The following CRB1 variants were observed in gnomAD, a reference collection of about 807,000 sequenced individuals.
The protein encoded by CRB1 is protein crumbs homolog 1.
CRB1 carries 83 observed loss-of-function variants against 120.0 expected under a neutral mutation model. The observed-to-expected ratio is 0.69, with a 90% confidence interval of 0.58 to 0.83. The LOEUF (loss-of-function observed/expected upper bound fraction) is 0.83. Among genes scored for constraint, CRB1 ranks in the 40% least tolerant of loss-of-function variants. The probability of loss-of-function intolerance (pLI) is 0.00; values close to 1 mark genes in which losing one functional copy is unlikely to be tolerated. For synonymous variants in CRB1, 625 were observed against 612.5 expected, an observed-to-expected ratio of 1.02 and a Z score of -0.30; for missense variants, 1,699 against 1,687.6, an observed-to-expected ratio of 1.01 and a Z score of -0.12.
At chr1:197,444,722 GT>G (rs1379955651) in intron 11 of CRB1, 1 of 152,052 alleles carries the variant, frequency 6.6e-6, no homozygotes, top group Non-Finnish European at 1.5e-5. Flanking sequence ...TTTAAAAAAT[GT>G]TTTCCCTTTT....
chr1:197,459,839 T>C (rs1359434603), intron 11 of CRB1, among the ~76,000 whole-genome samples: 1 of 152,122 alleles, frequency 6.6e-6, no homozygotes, highest in African/African-American at 2.4e-5. Context: ...TATATAATGT[T>C]ATGTAGACAG....
At chr1:197,267,569 T>G (rs944356383), upstream of CRB1, among the ~76,000 whole-genome samples, 1 of 152,198 alleles carries the variant, frequency 6.6e-6, no homozygotes, top group Non-Finnish European at 1.5e-5. Context: ...TAACACCAAT[T>G]AGAAAATAAA....
intron 4 of CRB1, among the ~76,000 whole-genome samples, chr1:197,354,612 T>C (rs1258851206): frequency 6.6e-6 from 1 of 152,092 alleles, no homozygotes; most frequent in Non-Finnish European, 1.5e-5. Flanking sequence ...GGAGGGTTCG[T>C]GGTCTTGTTG....
At chr1:197,270,916 A>G (rs914111940) in intron 1 of CRB1, among the ~76,000 whole-genome samples, 2 of 152,200 alleles carry the variant, frequency 1.3e-5, no homozygotes, top group African/African-American at 2.4e-5. Context: ...AGAAATGTCC[A>G]TTATCCAGGT....
At position 197,477,512 on chromosome 1, in the gene CRB1, ATC is replaced by A. The variant is rs1291857237; in HGVS notation, c.4006-150_4006-149del. 6.8e-6 allele frequency: 5 copies of A among 733,690 alleles called. No individual in the cohort carries two copies. In the African/African-American group the frequency reaches 8.7e-5, roughly 13 times the overall value. The allele number at this position is 733,690 out of a possible 1,614,324, so 45.4% of individuals were successfully genotyped here. A position where few individuals can be genotyped will look rare whatever the true frequency, so the allele number is the denominator to read the frequency against. ...TTGTAAATGATTTGAGAATAAGAAA[ATC>A]TGACTTTCTTTTAATACCTTGGTCT... is the stretch of plus-strand genomic sequence containing the variant. On this transcript the variant is annotated intron_variant, in intron 11 of 11. Transcript: ENST00000367400.
intron 1 of CRB1, among the ~76,000 whole-genome samples, chr1:197,316,917 A>AT (rs1288252321): frequency 6.6e-6 from 1 of 151,848 alleles, no homozygotes; most frequent in East Asian, 1.9e-4. Flanking sequence ...CTACAAAAAA[A>AT]AAAAACAAAA....
At chr1:197,279,495 A>C (rs1459899989) in intron 1 of CRB1, among the ~76,000 whole-genome samples, 1 of 150,768 alleles carries the variant, frequency 6.6e-6, no homozygotes, top group Non-Finnish European at 1.5e-5. Flanking sequence ...CTTTCTCTTC[A>C]CTAACCTCAT....
At chr1:197,292,145 G>C (rs566005206) in intron 1 of CRB1, among the ~76,000 whole-genome samples, 1 of 151,942 alleles carries the variant, frequency 6.6e-6, no homozygotes, top group Admixed American at 6.6e-5. Context: ...TTTTTGAAAA[G>C]ATCAACAAAA....
Position 197,438,565 on chromosome 1 carries a change from A to G in CRB1, c.3768A>G (p.Ser1256=). The G allele has an allele frequency of 6.2e-7, 1 of 1,612,616 alleles. No homozygotes were observed. Among genetic ancestry groups the G allele is most frequent in the Non-Finnish European group, 8.5e-7 (1 of 1,178,866 alleles). ...TCTCTAGACAGAGCAGATTACCCTC[A>G]ACAGTCTGTGGGAATGAGAAGACAA... ...GKFCRQSRLP[S]TVCGNEKTNL... Residue 1256 remains serine, a synonymous_variant, in exon 10 of 12, where the codon TCA becomes TCG. Transcript: ENST00000367400.
chr1:197,414,271 A>G (rs1204841967), intron 5 of CRB1, among the ~76,000 whole-genome samples: 2 of 152,160 alleles, frequency 1.3e-5, no homozygotes, highest in Non-Finnish European at 2.9e-5. Context: ...GTCTTTGTAT[A>G]TATGTCTAGT....
chr1:197,209,162 A>G, the CRB1 span, among the ~76,000 whole-genome samples: 1 of 152,134 alleles, frequency 6.6e-6, no homozygotes, highest in Admixed American at 6.5e-5. Flanking sequence ...CCAACTGAGA[A>G]AGCAAGCACA....
rs568833561 is a variant in CRB1 at position 197,309,561 on chromosome 1, T to C, written c.71-18861T>C. On this transcript the variant is annotated intron_variant, in intron 1 of 11. Transcript: ENST00000367400. ...GGAGGTCAGGAGATCGAGACCTTCC[T>C]GGCTAACACGGTGAAAACCTGTCTC... 3.3e-5 allele frequency among the ~76,000 whole-genome samples: 5 copies of C among 152,148 alleles called. No homozygotes were observed. The East Asian group carries it at 9.7e-4, about 30-fold the overall frequency.
chr1:197,279,805 T>G (rs1329156085), intron 1 of CRB1, among the ~76,000 whole-genome samples: 1 of 151,576 alleles, frequency 6.6e-6, no homozygotes. Context: ...CTCATATTCC[T>G]TGTTTTTGGA....
At chr1:197,463,490 A>C (rs901968598) in intron 11 of CRB1, among the ~76,000 whole-genome samples, 8 of 152,150 alleles carry the variant, frequency 5.3e-5, no homozygotes, top group Admixed American at 5.2e-4. Context: ...TTCAGTCTGC[A>C]GATATGCCAA....
At chr1:197,347,565 T>C (rs1188007342) in intron 4 of CRB1, 86 bp downstream of exon 4, 13 of 1,359,362 alleles carry the variant, frequency 9.6e-6, no homozygotes, top group Non-Finnish European at 1.3e-5. Context: ...GAAAAATTAT[T>C]GTTGTTAAAT....
chr1:197,282,771 C>T (rs867837000), intron 1 of CRB1, among the ~76,000 whole-genome samples: 40 of 151,996 alleles, frequency 2.6e-4, no homozygotes, highest in Non-Finnish European at 4.7e-4. Flanking sequence ...GTTATGTTCT[C>T]AATGTCTCTC....
At chr1:197,329,030 G>T in intron 2 of CRB1, 27 bp downstream of exon 2, 1 of 1,561,776 alleles carries the variant, frequency 6.4e-7, no homozygotes, top group Non-Finnish European at 8.8e-7. Flanking sequence ...CTGAATCACA[G>T]ATGGTGTAGT....
chr1:197,403,303 G>C (rs978107062), intron 5 of CRB1, among the ~76,000 whole-genome samples: 9 of 152,138 alleles, frequency 5.9e-5, no homozygotes, highest in African/African-American at 2.2e-4. Flanking sequence ...TTTCCTAGCA[G>C]CCAGGTACAT....
At chr1:197,434,421 T>G (rs757198623) in intron 8 of CRB1, among the ~76,000 whole-genome samples, 1 of 152,170 alleles carries the variant, frequency 6.6e-6, no homozygotes, top group African/African-American at 2.4e-5. Flanking sequence ...ACCATCCCAG[T>G]TTGATATTCT....
Sources: gnomAD v4.1 joint callset for allele counts (sites outside exome capture counted in the v4.1 genomes callset) on GRCh38, gnomAD v4.1.1 for gene constraint, MANE v1.5 for transcripts, NCBI Gene and HGNC (gene_info 2026-07-23, HGNC 2026-07-21) for gene names.